CCDC73: variants seen among roughly 807,000 people sequenced by gnomAD.
CCDC73 encodes coiled-coil domain containing 73, also known as coiled-coil domain-containing protein 73.
A neutral mutation model predicts 116.5 loss-of-function variants in CCDC73; 95 were observed. That is an observed-to-expected ratio of 0.82 (90% CI 0.69 to 0.97). CCDC73 has a LOEUF of 0.97. CCDC73 is among the 50% of genes least tolerant of loss of function. The probability of loss-of-function intolerance (pLI) is 0.00; values close to 1 mark genes in which losing one functional copy is unlikely to be tolerated. For synonymous variants in CCDC73, 398 were observed against 401.3 expected (o/e 0.99, Z 0.10); for missense variants, 1,066 against 1,206.8 (o/e 0.88, Z 1.73).
intron 9 of CCDC73, among the ~76,000 whole-genome samples, chr11:32,657,749 C>T (rs1855886632): frequency 1.3e-5 from 2 of 152,052 alleles, no homozygotes; most frequent in South Asian, 4.1e-4. Context: ...ACAGCTAATC[C>T]TAGTGATTTG....
At chr11:32,671,584 AC>A (rs1428368178) in intron 9 of CCDC73, among the ~76,000 whole-genome samples, 5 of 152,216 alleles carry the variant, frequency 3.3e-5, no homozygotes, top group African/African-American at 9.6e-5. Context: ...TAACAAAAAA[AC>A]AAGCTTTTCC....
the CCDC73 span, among the ~76,000 whole-genome samples, chr11:32,806,616 A>G: frequency 6.9e-6 from 1 of 144,858 alleles, no homozygotes; most frequent in Non-Finnish European, 1.5e-5. Flanking sequence ...TGGGTGACAG[A>G]GCAAGACCTG....
the CCDC73 span, chr11:32,830,007 C>A: frequency 1.0e-6 from 1 of 985,816 alleles, no homozygotes; most frequent in Non-Finnish European, 1.2e-6. Context: ...AACCCCAGGC[C>A]CTTCCCAGGT....
At chr11:32,762,185 G>A (rs543856389) in intron 1 of CCDC73, among the ~76,000 whole-genome samples, 35 of 152,132 alleles carry the variant, frequency 2.3e-4, no homozygotes, top group African/African-American at 7.7e-4. Context: ...TTCCATTACT[G>A]AAAATGATGA....
In CCDC73 at chr11:32,653,301, A is replaced by G. The variant is rs1855843429; in HGVS notation, c.835-74T>C. 1.2e-5 allele frequency: 11 copies of G among 922,730 alleles called. No homozygotes were observed. In the East Asian group the frequency reaches 1.8e-4, roughly 15 times the overall value. 57.2% of individuals were successfully genotyped at this position (922,730 alleles called of 1,614,324 possible). A position where few individuals can be genotyped will look rare whatever the true frequency, so the allele number is the denominator to read the frequency against. On this transcript the variant is annotated intron_variant, in intron 11 of 17. Transcript: ENST00000335185. ...GTTTCTAAAATCATTCTTCACATACATTTTCTAGTTTCCTAACTCACTGTA... is the reference window on the plus strand; with the variant it reads ...GTTTCTAAAATCATTCTTCACATACGTTTTCTAGTTTCCTAACTCACTGTA...
chr11:32,636,716 T>C (rs1241412525), intron 13 of CCDC73, among the ~76,000 whole-genome samples: 1 of 152,032 alleles, frequency 6.6e-6, no homozygotes, highest in East Asian at 1.9e-4. Flanking sequence ...AAGCCCTATA[T>C]AGAGGCCAGT....
chr11:32,780,504 T>A (rs1160539009), intron 1 of CCDC73, among the ~76,000 whole-genome samples: 1 of 151,646 alleles, frequency 6.6e-6, no homozygotes, highest in Non-Finnish European at 1.5e-5. Flanking sequence ...AAGAATCTAT[T>A]CAAAAGAAAA....
At chr11:32,615,802 C>T in intron 15 of CCDC73, 138 bp downstream of exon 15, 1 of 814,240 alleles carries the variant, frequency 1.2e-6, no homozygotes, top group Non-Finnish European at 1.8e-6. Flanking sequence ...CTCAGCAAAA[C>T]AGTGAAGGCA....
chr11:32,660,363 C>T (rs748299139), intron 9 of CCDC73, among the ~76,000 whole-genome samples: 5 of 151,550 alleles, frequency 3.3e-5, no homozygotes, highest in Non-Finnish European at 5.9e-5. Context: ...ACAGGTATAG[C>T]TCCAGGATTC....
chr11:32,660,612 C>T (rs905383501), intron 9 of CCDC73, among the ~76,000 whole-genome samples: 1 of 151,882 alleles, frequency 6.6e-6, no homozygotes, highest in East Asian at 1.9e-4. Flanking sequence ...ACTACTTGAG[C>T]CTAGGAATTT....
intron 2 of CCDC73, among the ~76,000 whole-genome samples, chr11:32,727,611 C>G (rs918947681): frequency 2.0e-5 from 3 of 152,050 alleles, no homozygotes; most frequent in Non-Finnish European, 4.4e-5. Context: ...CTCGCTCTGT[C>G]CCCCAGGCTG....
chr11:32,629,179 A>G (rs1855604859), intron 14 of CCDC73, among the ~76,000 whole-genome samples: 1 of 152,172 alleles, frequency 6.6e-6, no homozygotes. Context: ...CTGTGGGACA[A>G]TATTAAGCAG....
chr11:32,733,108 G>A (rs533276703), intron 2 of CCDC73, among the ~76,000 whole-genome samples: 126 of 151,628 alleles, frequency 8.3e-4, no homozygotes, highest in African/African-American at 3.0e-3. Flanking sequence ...AAAAAAGTAG[G>A]TGTTGCAATC....
intron 3 of CCDC73, among the ~76,000 whole-genome samples, chr11:32,714,728 G>C (rs1009983536): frequency 1.4e-4 from 22 of 152,066 alleles, no homozygotes; most frequent in African/African-American, 5.3e-4. Flanking sequence ...TACCATTCAA[G>C]AGGTATGGAT....
the CCDC73 span, among the ~76,000 whole-genome samples, chr11:32,824,761 C>T: frequency 6.6e-6 from 1 of 152,120 alleles, no homozygotes; most frequent in Admixed American, 6.6e-5. Flanking sequence ...TAAAAGAAAC[C>T]ACGCTTTAAA....
chr11:32,691,806 T>C (rs1475098272), intron 6 of CCDC73, among the ~76,000 whole-genome samples: 1 of 152,116 alleles, frequency 6.6e-6, no homozygotes, highest in Non-Finnish European at 1.5e-5. Context: ...CCTAGCACTT[T>C]GGGAGGCCGA....
At chr11:32,731,922 A>G (rs575030123) in intron 2 of CCDC73, among the ~76,000 whole-genome samples, 8 of 152,336 alleles carry the variant, frequency 5.3e-5, no homozygotes, top group African/African-American at 1.9e-4. Context: ...TGACTTTGAC[A>G]AGTTGAGAGA....
intron 2 of CCDC73, among the ~76,000 whole-genome samples, chr11:32,733,240 C>T (rs868428904): frequency 1.3e-5 from 2 of 152,158 alleles, no homozygotes; most frequent in Non-Finnish European, 2.9e-5. Context: ...ATATATGCAC[C>T]TAATTCAGGA....
chr11:32,634,787 C>A (rs956423713), intron 14 of CCDC73, among the ~76,000 whole-genome samples: 37 of 152,182 alleles, frequency 2.4e-4, no homozygotes, highest in African/African-American at 8.4e-4. Context: ...ACTATTATAA[C>A]AATAACTTAA....
Sources: allele counts gnomAD v4.1 joint callset (sites outside exome capture counted in the v4.1 genomes callset), GRCh38; gene constraint gnomAD v4.1.1; transcripts MANE v1.5; gene names NCBI Gene and HGNC (gene_info 2026-07-23, HGNC 2026-07-21).